Variants in BCAS3 observed in about 807,000 individuals in gnomAD.
The protein encoded by BCAS3 is BCAS4/BCAS3 fusion.
BCAS3 carries 53 observed loss-of-function variants against 116.1 expected under a neutral mutation model. The observed-to-expected ratio is 0.46, with a 90% CI of 0.37 to 0.57. The LOEUF is 0.57. Among genes scored for constraint, BCAS3 ranks in the 20% least tolerant of loss-of-function variants. The probability of loss-of-function intolerance (pLI) is 0.00; values close to 1 mark genes in which losing one functional copy is unlikely to be tolerated. For missense variants in BCAS3, 917 were observed against 1,165.4 expected (o/e 0.79, Z 3.10); for synonymous variants, 391 against 408.2 (o/e 0.96, Z 0.51).
chr17:61,102,860 T>C (rs1050497276), intron 22 of BCAS3, among the ~76,000 whole-genome samples: 2 of 152,168 alleles, frequency 1.3e-5, no homozygotes, highest in African/African-American at 4.8e-5. Flanking sequence ...CCTTACCTTC[T>C]TTCCGTAAAA....
chr17:60,863,942 C>G (rs1023411990), intron 7 of BCAS3, among the ~76,000 whole-genome samples: 7 of 152,134 alleles, frequency 4.6e-5, no homozygotes, highest in African/African-American at 1.7e-4. Flanking sequence ...GGGCTCTTTC[C>G]TGTTCAGCGT....
intron 6 of BCAS3, among the ~76,000 whole-genome samples, chr17:60,797,336 A>G (rs2047301275): frequency 6.6e-6 from 1 of 152,016 alleles, no homozygotes; most frequent in Admixed American, 6.6e-5. Flanking sequence ...GTTGTGCAAG[A>G]GTTTGCTACA....
intron 22 of BCAS3, among the ~76,000 whole-genome samples, chr17:61,191,631 C>T (rs1192690079): frequency 2.0e-5 from 3 of 151,612 alleles, no homozygotes; most frequent in African/African-American, 7.3e-5. Context: ...AAAAATTAGA[C>T]AGGTGTGGTG....
chr17:61,390,278 C>T lies in BCAS3; in HGVS notation c.2594-1699C>T, dbSNP rs1450886888. The T allele has an allele frequency of 6.6e-6, 1 of 152,292 alleles. No homozygotes were observed. Among genetic ancestry groups the T allele is most frequent in the Non-Finnish European group, 1.5e-5 (1 of 68,106 alleles). The allele number at this position is 152,292 out of a possible 1,614,324, so 9.4% of individuals were successfully genotyped here. On this transcript the variant is annotated intron_variant, in intron 23 of 23. Coordinates refer to ENST00000407086, the MANE Select transcript of BCAS3 (RefSeq NM_017679.5). This position sits in a 1 kb window ranked among gnomAD's most constrained non-coding sequence, Gnocchi z 6.8. ...TCTACTCTTGGCTTTACCACCCTCT[C>T]CATCTCATGGCACGATGGCCTGTCC...
chr17:60,913,253 G>A (rs1017840024), intron 12 of BCAS3, among the ~76,000 whole-genome samples: 6 of 151,890 alleles, frequency 4.0e-5, no homozygotes, highest in Non-Finnish European at 8.8e-5. Context: ...TGTTCAACAT[G>A]GAACATTCTA....
rs752977088 is a variant in BCAS3, at chr17:61,180,821, G to A, written c.2425+96257G>A. Among the ~76,000 whole-genome samples, 2 of 152,202 alleles carry A rather than the reference G, an allele frequency of 1.3e-5. No individual in the cohort carries two copies. Among genetic ancestry groups the A allele is most frequent in the African/African-American group, 2.4e-5 (1 of 41,446 alleles). ...GAGGGGGAAATAAGACAACCATGTA[G>A]AGCCTGAGAATAGAATATAAGCTTC... On this transcript the variant is annotated intron_variant, in intron 22 of 23. Transcript: ENST00000407086. The surrounding 1 kb of genome is among the most constrained non-coding windows in gnomAD (Gnocchi z 6.0).
At chr17:60,900,866 T>C (rs1358355354) in intron 10 of BCAS3, among the ~76,000 whole-genome samples, 1 of 152,058 alleles carries the variant, frequency 6.6e-6, no homozygotes, top group Non-Finnish European at 1.5e-5. Context: ...AATTTCTGAC[T>C]TAGTTACTTT....
At chr17:61,094,131 A>G (rs1423304898) in intron 22 of BCAS3, among the ~76,000 whole-genome samples, 1 of 152,232 alleles carries the variant, frequency 6.6e-6, no homozygotes, top group East Asian at 1.9e-4. Flanking sequence ...TATTGCTAGT[A>G]GCCTCTGCTA....
rs1478629126 is a variant in BCAS3 at position 61,156,935 on chromosome 17, A to G, written c.2425+72371A>G. Among the ~76,000 whole-genome samples the G allele has an allele frequency of 2.0e-5, 3 of 152,336 alleles. No homozygotes were observed. Among genetic ancestry groups the G allele is most frequent in the South Asian group, 4.1e-4 (2 of 4,824 alleles). Reference sequence around the variant, plus strand: ...ACAACACTTAAAAAAAACAAATTCTACAACATTTAAACAGTTGAGGCATCA... The same window carrying G: ...ACAACACTTAAAAAAAACAAATTCTGCAACATTTAAACAGTTGAGGCATCA... On this transcript the variant is annotated intron_variant, in intron 22 of 23. Transcript: ENST00000407086. The surrounding 1 kb of genome is among the most constrained non-coding windows in gnomAD (Gnocchi z 4.7).
chr17:61,096,388 C>G (rs1568344263), intron 22 of BCAS3, among the ~76,000 whole-genome samples: 1 of 147,402 alleles, frequency 6.8e-6, no homozygotes, highest in African/African-American at 2.5e-5. Context: ...CTCGTCTCTA[C>G]AAAAAAAAAA....
At chr17:61,268,031 CACTT>C (rs1458450760) in intron 22 of BCAS3, among the ~76,000 whole-genome samples, 16 of 152,274 alleles carry the variant, frequency 1.1e-4, no homozygotes, top group African/African-American at 3.9e-4. Context: ...AACTGTTACT[CACTT>C]GTAGATGTCA....
Position 61,028,846 on chromosome 17 carries a change from T to G in BCAS3, c.1638-5820T>G, listed in dbSNP as rs987690810. On this transcript the variant is annotated intron_variant, in intron 16 of 23. Transcript: ENST00000407086. This position sits in a 1 kb window ranked among gnomAD's most constrained non-coding sequence, Gnocchi z 4.3. ...CAAGAAACTCGTTTTTAGTCACTTATACTAGACTAAAAGGTTCTCCTTTAA... is the reference window on the plus strand; with the variant it reads ...CAAGAAACTCGTTTTTAGTCACTTAGACTAGACTAAAAGGTTCTCCTTTAA... 6.6e-6 allele frequency among the ~76,000 whole-genome samples: 1 copy of G among 151,930 alleles called. No individual in the cohort carries two copies. The highest frequency in any genetic ancestry group is 6.6e-5 in the Admixed American group (1 of 15,242).
intron 6 of BCAS3, among the ~76,000 whole-genome samples, chr17:60,752,737 C>CGTTT (rs1568169360): frequency 6.6e-6 from 1 of 151,848 alleles, no homozygotes. Flanking sequence ...AGTCTACCAA[C>CGTTT]ATTTATACAT....
intron 20 of BCAS3, 64 bp downstream of exon 20, chr17:61,075,084 T>C (rs902831751): frequency 6.7e-6 from 9 of 1,340,374 alleles, no homozygotes; most frequent in Middle Eastern, 2.2e-4. Context: ...GTTTTTATTC[T>C]TTTCCTTAGA....
intron 5 of BCAS3, among the ~76,000 whole-genome samples, chr17:60,711,271 A>G (rs1399987732): frequency 1.3e-5 from 2 of 151,928 alleles, no homozygotes; most frequent in Non-Finnish European, 2.9e-5. Context: ...ACATTTTTCA[A>G]GGTCCCTCAA....
intron 22 of BCAS3, among the ~76,000 whole-genome samples, chr17:61,293,926 T>A (rs1939927568): frequency 6.6e-6 from 1 of 152,088 alleles, no homozygotes; most frequent in South Asian, 2.1e-4. Flanking sequence ...GCGCCTGGCT[T>A]ATTTTTGTAT....
At chr17:60,755,028 A>G (rs1016677263) in intron 6 of BCAS3, among the ~76,000 whole-genome samples, 2 of 152,146 alleles carry the variant, frequency 1.3e-5, no homozygotes, top group Admixed American at 1.3e-4. Flanking sequence ...GATTCAGGTA[A>G]ATTGTAACTT....
At position 60,868,697 on chromosome 17, in the gene BCAS3, C is replaced by A. The variant is rs1457619198; in HGVS notation, c.584+14C>A. On this transcript the variant is annotated intron_variant, in intron 8 of 23. Transcript: ENST00000407086. ...TTGCAATAAACGGTAAGGATTTTTT[C>A]ATGGGTTTCTTGTGTAAAATAAGAA... 6.6e-7 allele frequency: 1 copy of A among 1,504,526 alleles called. No individual in the cohort carries two copies. Among genetic ancestry groups the A allele is most frequent in the Non-Finnish European group, 9.0e-7 (1 of 1,105,272 alleles). The allele number at this position is 1,504,526 out of a possible 1,614,324, so 93.2% of individuals were successfully genotyped here. A position where few individuals can be genotyped will look rare whatever the true frequency, so the allele number is the denominator to read the frequency against.
At chr17:61,266,032 A>G (rs902919350) in intron 22 of BCAS3, among the ~76,000 whole-genome samples, 1 of 152,220 alleles carries the variant, frequency 6.6e-6, no homozygotes, top group Non-Finnish European at 1.5e-5. Context: ...TATGAAATCC[A>G]TATGAAAGCT....
Sources: gnomAD v4.1 joint callset for allele counts (sites outside exome capture counted in the v4.1 genomes callset) on GRCh38, gnomAD v4.1.1 for gene constraint, Gnocchi (gnomAD v3.1) non-coding constraint, MANE v1.5 for transcripts, NCBI Gene and HGNC (gene_info 2026-07-23, HGNC 2026-07-21) for gene names.